MOXD1: variants seen among roughly 807,000 people sequenced by gnomAD.
The protein encoded by MOXD1 is monooxygenase DBH like 1, also known as DBH-like monooxygenase protein 1.
Under a neutral mutation model 66.6 loss-of-function variants are expected in MOXD1, and 62 were observed. The observed-to-expected ratio is 0.93, with a 90% CI of 0.76 to 1.15. The LOEUF (loss-of-function observed/expected upper bound fraction) is 1.15. MOXD1 is among the 50% of genes most tolerant of loss of function. The probability of loss-of-function intolerance (pLI) is 0.00; values close to 1 mark genes in which losing one functional copy is unlikely to be tolerated. For synonymous variants in MOXD1, 303 were observed against 281.9 expected, an observed-to-expected ratio of 1.07 and a Z score of -0.75; for missense variants, 847 against 754.6, an observed-to-expected ratio of 1.12 and a Z score of -1.44.
At chr6:132,357,671 T>C (rs935023064) in intron 4 of MOXD1, among the ~76,000 whole-genome samples, 1 of 152,116 alleles carries the variant, frequency 6.6e-6, no homozygotes, top group Non-Finnish European at 1.5e-5. Flanking sequence ...GATAATAATA[T>C]CCAAGTAATT....
At chr6:132,313,149 G>A (rs1774867612) in intron 10 of MOXD1, among the ~76,000 whole-genome samples, 1 of 151,860 alleles carries the variant, frequency 6.6e-6, no homozygotes, top group Non-Finnish European at 1.5e-5. Context: ...TGTTGTATGG[G>A]GAGAAAGAGA....
chr6:132,349,551 T>A (rs1286293597), intron 4 of MOXD1, among the ~76,000 whole-genome samples: 3 of 144,780 alleles, frequency 2.1e-5, no homozygotes, highest in Non-Finnish European at 4.6e-5. Flanking sequence ...GATCCATGAT[T>A]TTGCAATTGC....
At chr6:132,362,766 G>T (rs549954487) in intron 4 of MOXD1, among the ~76,000 whole-genome samples, 1 of 152,152 alleles carries the variant, frequency 6.6e-6, no homozygotes, top group Admixed American at 6.5e-5. Flanking sequence ...GCTACAAGAC[G>T]TGTCCAATAA....
chr6:132,397,383 G>A (rs975722173), intron 1 of MOXD1, among the ~76,000 whole-genome samples: 3 of 152,180 alleles, frequency 2.0e-5, no homozygotes, highest in African/African-American at 4.8e-5. Flanking sequence ...AATAGAACTG[G>A]CCTAAAAAGA....
At chr6:132,314,252 G>A (rs672343) in intron 10 of MOXD1, among the ~76,000 whole-genome samples, 26,609 of 152,080 alleles carry the variant, frequency 0.17, 2,430 homozygotes, top group Non-Finnish European at 0.21. Context: ...ACAAGCCTGT[G>A]GGTGCTCCTT....
Position 132,322,839 on chromosome 6 carries a change from T to C in MOXD1, c.1145A>G (p.His382Arg), listed in dbSNP as rs2114572062. Reference protein sequence around the residue: ...ALEAEKPSGIHVFAVLLHAHL... With the variant: ...ALEAEKPSGIRVFAVLLHAHL... ...AGCATGGAGAAGAACAGCAAACACA[T>C]GAATTCCACTTGGCTTTTCGGCTTC... The change falls in exon 8 of 12, where the codon CAT becomes CGT. Residue 382 changes from histidine (H) to arginine (R), a missense_variant. Transcript: ENST00000367963. 5 of 1,613,738 alleles carry C rather than the reference T, an allele frequency of 3.1e-6. No homozygotes were observed. The highest frequency in any genetic ancestry group is 3.3e-4 in the Middle Eastern group (2 of 6,058).
At chr6:132,303,277 C>T (rs1252652073) in intron 10 of MOXD1, among the ~76,000 whole-genome samples, 1 of 152,006 alleles carries the variant, frequency 6.6e-6, no homozygotes, top group Non-Finnish European at 1.5e-5. Flanking sequence ...AACTTACATC[C>T]AAAGTATAAA....
At chr6:132,321,816 G>A (rs1452131579) in intron 8 of MOXD1, among the ~76,000 whole-genome samples, 1 of 152,186 alleles carries the variant, frequency 6.6e-6, no homozygotes, top group Non-Finnish European at 1.5e-5. Flanking sequence ...CTCTCCGGAT[G>A]TATCAAAGAA....
At chr6:132,362,857 T>C (rs1776040360) in intron 4 of MOXD1, among the ~76,000 whole-genome samples, 1 of 152,204 alleles carries the variant, frequency 6.6e-6, no homozygotes, top group Non-Finnish European at 1.5e-5. Flanking sequence ...AGATTTAACA[T>C]GAAGCCTTTT....
intron 4 of MOXD1, among the ~76,000 whole-genome samples, chr6:132,340,956 T>A (rs1195652599): frequency 6.6e-6 from 1 of 152,196 alleles, no homozygotes; most frequent in Non-Finnish European, 1.5e-5. Flanking sequence ...AGACTCATCT[T>A]ATTTCCCATT....
intron 4 of MOXD1, among the ~76,000 whole-genome samples, chr6:132,352,933 G>A (rs1775831767): frequency 6.6e-6 from 1 of 152,130 alleles, no homozygotes; most frequent in Admixed American, 6.6e-5. Flanking sequence ...TTTAAAGTCT[G>A]TTTTGTCTGA....
In MOXD1 at chr6:132,324,062, T is replaced by G. The variant is rs775893523; in HGVS notation, c.982A>C (p.Thr328Pro). The G allele has an allele frequency of 5.6e-6, 9 of 1,613,884 alleles. No homozygotes were observed. In the East Asian group the frequency reaches 1.8e-4, roughly 32 times the overall value. Residue 328 changes from threonine (T) to proline (P), a missense_variant, in exon 7 of 12, where the codon ACA becomes CCA. Coordinates refer to ENST00000367963, the MANE Select transcript of MOXD1 (RefSeq NM_015529.4). ...GCATCATATTTCCTTATATCCATTG[T>G]GTAAAATAACCTCAGTCCAGAATTA... ...IDNSGLRLFY[T>P]MDIRKYDAGV...
rs766578667 is a variant in MOXD1 at position 132,374,693 on chromosome 6, G to A, written c.349C>T (p.His117Tyr). 63 of 1,613,774 alleles carry A rather than the reference G, an allele frequency of 3.9e-5. No homozygotes were observed. Among genetic ancestry groups the A allele is most frequent in the Non-Finnish European group, 5.3e-5 (63 of 1,179,906 alleles). ...HLEYAMENST[H>Y]TIIEFTRELH... ...TCTCTGGTAAATTCAATTATTGTGTGTGTGCTATTTTCCATGGCATATTCT... is the reference window on the plus strand; with the variant it reads ...TCTCTGGTAAATTCAATTATTGTGTATGTGCTATTTTCCATGGCATATTCT... The change falls in exon 2 of 12, where the codon CAC becomes TAC. Residue 117 changes from histidine (H) to tyrosine (Y), a missense_variant. Physicochemically the swap from His to Tyr is moderately conservative, Grantham distance 83. Coordinates refer to ENST00000367963, the MANE Select transcript of MOXD1 (RefSeq NM_015529.4).
At chr6:132,396,442 A>T (rs1776876762) in intron 1 of MOXD1, among the ~76,000 whole-genome samples, 1 of 152,096 alleles carries the variant, frequency 6.6e-6, no homozygotes, top group African/African-American at 2.4e-5. Context: ...AAAGATTTCA[A>T]ATAAATGATC....
chr6:132,397,068 T>C (rs1582615993), intron 1 of MOXD1, among the ~76,000 whole-genome samples: 1 of 152,334 alleles, frequency 6.6e-6, no homozygotes, highest in East Asian at 1.9e-4. Context: ...GGTTCCCTCT[T>C]GGGACCTGCC....
At chr6:132,311,266 G>A (rs1345426794) in intron 10 of MOXD1, among the ~76,000 whole-genome samples, 1 of 151,980 alleles carries the variant, frequency 6.6e-6, no homozygotes, top group Admixed American at 6.6e-5. Context: ...AAATCCTAAT[G>A]ACTCAAATTT....
intron 4 of MOXD1, among the ~76,000 whole-genome samples, chr6:132,368,513 T>A (rs1776190618): frequency 6.6e-6 from 1 of 152,082 alleles, no homozygotes; most frequent in African/African-American, 2.4e-5. Context: ...TACAAATCAA[T>A]AAATTGAGAT....
At chr6:132,334,186 T>C (rs1002653412) in intron 4 of MOXD1, among the ~76,000 whole-genome samples, 5 of 152,206 alleles carry the variant, frequency 3.3e-5, no homozygotes, top group Admixed American at 2.6e-4. Flanking sequence ...AAATGAATAC[T>C]ACCCTTTCCA....
intron 4 of MOXD1, among the ~76,000 whole-genome samples, chr6:132,332,404 G>A (rs929663518): frequency 3.3e-5 from 5 of 152,130 alleles, no homozygotes; most frequent in African/African-American, 1.2e-4. Flanking sequence ...GAAAGAAAAA[G>A]AAGTGCTTGG....
Sources: allele counts gnomAD v4.1 joint callset (sites outside exome capture counted in the v4.1 genomes callset), GRCh38; gene constraint gnomAD v4.1.1; transcripts MANE v1.5; gene names NCBI Gene and HGNC (gene_info 2026-07-23, HGNC 2026-07-21).